Variants in SOCS2 observed in about 807,000 individuals in gnomAD.
The protein encoded by SOCS2 is CIS-2.
In SOCS2, 10 loss-of-function variants were observed where a neutral mutation model predicts 18.6. The observed-to-expected ratio is 0.54, with a 90% confidence interval of 0.33 to 0.91. SOCS2 has a LOEUF of 0.91. Among genes scored for constraint, SOCS2 ranks in the 40% least tolerant of loss-of-function variants. The pLI is 0.02. For missense variants in SOCS2, 231 were observed against 247.2 expected, an observed-to-expected ratio of 0.93 and a Z score of 0.44; for synonymous variants, 104 against 104.0, an observed-to-expected ratio of 1.00 and a Z score of 0.00.
the SOCS2 span, among the ~76,000 whole-genome samples, chr12:93,606,744 C>G: frequency 6.6e-6 from 1 of 152,104 alleles, no homozygotes; most frequent in Admixed American, 6.5e-5. Context: ...CCTCTGCCTC[C>G]CAGGTTCAAG....
downstream of SOCS2, among the ~76,000 whole-genome samples, chr12:93,577,891 C>T (rs1353886633): frequency 6.6e-6 from 1 of 152,168 alleles, no homozygotes; most frequent in African/African-American, 2.4e-5. Context: ...TCTAAATTAT[C>T]CTCACCAAAG....
At chr12:93,606,118 T>C in the SOCS2 span, among the ~76,000 whole-genome samples, 1 of 152,196 alleles carries the variant, frequency 6.6e-6, no homozygotes, top group African/African-American at 2.4e-5. Flanking sequence ...TGACCCAAAA[T>C]GGCTCTTGAC....
At chr12:93,581,665 T>C (rs1954542127), downstream of SOCS2, among the ~76,000 whole-genome samples, 1 of 152,132 alleles carries the variant, frequency 6.6e-6, no homozygotes. Flanking sequence ...ATTAGTTTTC[T>C]CTTTTTTTTT....
the SOCS2 span, among the ~76,000 whole-genome samples, chr12:93,614,361 C>CTTT: frequency 0.051 from 6,245 of 123,584 alleles, 781 homozygotes; most frequent in African/African-American, 0.12. Flanking sequence ...TAGCAATTTT[C>CTTT]CTTCTTTCTT....
downstream of SOCS2, among the ~76,000 whole-genome samples, chr12:93,584,228 C>G (rs1360921095): frequency 6.6e-6 from 1 of 152,158 alleles, no homozygotes; most frequent in Admixed American, 6.5e-5. Flanking sequence ...GTAGAGGGAA[C>G]TTAATTATCA....
chr12:93,584,299 A>AG (rs1284738987), downstream of SOCS2, among the ~76,000 whole-genome samples: 1 of 152,246 alleles, frequency 6.6e-6, no homozygotes, highest in Non-Finnish European at 1.5e-5. Context: ...GATTTCTCAG[A>AG]GGGTCAGATA....
chr12:93,621,314 G>A, the SOCS2 span, among the ~76,000 whole-genome samples: 2 of 151,328 alleles, frequency 1.3e-5, no homozygotes, highest in African/African-American at 4.8e-5. Context: ...CTGAGGGGAT[G>A]TTGGGAAGGG....
At chr12:93,613,026 A>G in the SOCS2 span, among the ~76,000 whole-genome samples, 1 of 152,244 alleles carries the variant, frequency 6.6e-6, no homozygotes, top group Non-Finnish European at 1.5e-5. Flanking sequence ...ACAAAGACGG[A>G]AAACAGCTAA....
chr12:93,623,993 C>A, the SOCS2 span, among the ~76,000 whole-genome samples: 1 of 152,220 alleles, frequency 6.6e-6, no homozygotes, highest in South Asian at 2.1e-4. Flanking sequence ...TGTGAGCCAC[C>A]CCACCCAGCC....
downstream of SOCS2, among the ~76,000 whole-genome samples, chr12:93,580,207 AGT>A (rs1954519342): frequency 6.6e-6 from 1 of 152,210 alleles, no homozygotes; most frequent in African/African-American, 2.4e-5. Flanking sequence ...GGTTTCCTAC[AGT>A]GTTAAAGATA....
chr12:93,580,084 G>T (rs1954517809), downstream of SOCS2, among the ~76,000 whole-genome samples: 1 of 152,230 alleles, frequency 6.6e-6, no homozygotes, highest in African/African-American at 2.4e-5. Flanking sequence ...TTCTTCTCCT[G>T]TCTCAGCATA....
chr12:93,589,806 G>A, the SOCS2 span, among the ~76,000 whole-genome samples: 2 of 152,220 alleles, frequency 1.3e-5, no homozygotes, highest in African/African-American at 4.8e-5. Flanking sequence ...ACGTTTCCAA[G>A]TTGATTTGTA....
At chr12:93,588,294 T>C (rs189523255), downstream of SOCS2, among the ~76,000 whole-genome samples, 47 of 152,364 alleles carry the variant, frequency 3.1e-4, no homozygotes, top group Admixed American at 2.6e-3. Flanking sequence ...GAAATTATTA[T>C]AGATATTAGA....
the SOCS2 span, among the ~76,000 whole-genome samples, chr12:93,625,195 A>G: frequency 6.6e-6 from 1 of 152,226 alleles, no homozygotes; most frequent in African/African-American, 2.4e-5. Context: ...ATTCTCAGTG[A>G]CTCATCTATC....
chr12:93,591,806 GA>G, the SOCS2 span, among the ~76,000 whole-genome samples: 1 of 152,204 alleles, frequency 6.6e-6, no homozygotes, highest in Non-Finnish European at 1.5e-5. Context: ...ATTGAGAGCA[GA>G]CGGCTGGGTG....
chr12:93,595,908 T>TG, the SOCS2 span, among the ~76,000 whole-genome samples: 1,855 of 76,250 alleles, frequency 0.024, 42 homozygotes, highest in African/African-American at 0.15. Context: ...TTGTTTTTAA[T>TG]TTTTTTTTAT....
chr12:93,599,427 G>A, the SOCS2 span, among the ~76,000 whole-genome samples: 6 of 152,180 alleles, frequency 3.9e-5, no homozygotes, highest in South Asian at 2.1e-4. Flanking sequence ...CTCCCAAAGC[G>A]CTAGGATTAC....
At chr12:93,588,714 T>G in the SOCS2 span, among the ~76,000 whole-genome samples, 11 of 152,182 alleles carry the variant, frequency 7.2e-5, no homozygotes, top group African/African-American at 2.2e-4. Flanking sequence ...CCTCCCAGGT[T>G]CAAGCAATTC....
At chr12:93,573,604 C>A in intron 1 of SOCS2, 1 of 182,370 alleles carries the variant, frequency 5.5e-6, no homozygotes, top group Non-Finnish European at 1.1e-5. Flanking sequence ...TACAGTCAGG[C>A]AATTCGCGCG....
Sources: allele counts gnomAD v4.1 joint callset (sites outside exome capture counted in the v4.1 genomes callset), GRCh38; gene constraint gnomAD v4.1.1; transcripts MANE v1.5; gene names NCBI Gene and HGNC (gene_info 2026-07-23, HGNC 2026-07-21).